Variants in POLG observed in about 807,000 individuals in gnomAD.
POLG encodes DNA polymerase gamma, catalytic subunit.
A neutral mutation model predicts 155.4 loss-of-function variants in POLG; 110 were observed. The observed-to-expected ratio is 0.71, with a 90% CI of 0.61 to 0.83. The LOEUF (loss-of-function observed/expected upper bound fraction) is 0.83, where lower values mean the gene tolerates loss of function less well. Ranked by LOEUF, POLG falls within the 40% of genes least tolerant of loss-of-function variation. POLG has a pLI of 0.00. For synonymous variants in POLG, 701 were observed against 631.5 expected, an observed-to-expected ratio of 1.11 and a Z score of -1.65; for missense variants, 1,685 against 1,627.5, an observed-to-expected ratio of 1.04 and a Z score of -0.61.
intron 10 of POLG, among the ~76,000 whole-genome samples, chr15:89,325,115 TGA>T (rs1567189411): frequency 3.4e-5 from 1 of 29,276 alleles, no homozygotes; most frequent in Non-Finnish European, 5.9e-5. Context: ...TGAGAGAGAG[TGA>T]GTGAGTGAGT....
chr15:89,325,978 T>G (rs2055511944), intron 9 of POLG, among the ~76,000 whole-genome samples: 1 of 151,970 alleles, frequency 6.6e-6, no homozygotes. Flanking sequence ...CAAGCTCCAT[T>G]TCATCCAGGG....
chr15:89,328,987 TTG>T lies in POLG; in HGVS notation c.977_978del (p.Thr326LysfsTer61). The T allele has an allele frequency of 6.2e-7, 1 of 1,613,750 alleles. No individual in the cohort carries two copies. The highest frequency in any genetic ancestry group is 8.5e-7 in the Non-Finnish European group (1 of 1,180,026). On this transcript the variant is annotated frameshift_variant, in exon 4 of 23. Transcript: ENST00000268124. LOFTEE classifies it high-confidence loss of function. ...TTCCTCTGGGACTTCTGGCCTTGCT[TTG>T]TGGGGGGCTGGACCTTGTGTTTGCC... ...KQGKHKVQPP[T>X]KQGQKSQRKA...
intron 10 of POLG, among the ~76,000 whole-genome samples, chr15:89,324,874 A>G (rs1464010563): frequency 6.6e-6 from 1 of 152,202 alleles, no homozygotes; most frequent in African/African-American, 2.4e-5. Context: ...TCTCCCTGCT[A>G]CTTGTAACAG....
intron 18 of POLG, among the ~76,000 whole-genome samples, chr15:89,319,704 G>A (rs985338712): frequency 1.3e-5 from 2 of 152,246 alleles, no homozygotes; most frequent in African/African-American, 2.4e-5. Context: ...TTATTCAGGA[G>A]GCAGCAAGGG....
intron 2 of POLG, chr15:89,332,112 T>C (rs2055601776): frequency 6.6e-6 from 1 of 152,268 alleles, no homozygotes; most frequent in East Asian, 1.9e-4. Context: ...TCCCCTTTAC[T>C]TTGACCATCA....
At chr15:89,320,619 T>C (rs1372830083) in intron 18 of POLG, 147 bp downstream of exon 18, 1 of 909,014 alleles carries the variant, frequency 1.1e-6, no homozygotes, top group Non-Finnish European at 1.7e-6. Context: ...CAAATCATCC[T>C]GGAACCAGGT....
intron 10 of POLG, among the ~76,000 whole-genome samples, 159 bp downstream of exon 10, chr15:89,325,291 A>G (rs367586483): frequency 3.8e-5 from 4 of 105,888 alleles, no homozygotes; most frequent in East Asian, 2.7e-4. Context: ...AGAAAGAGAG[A>G]GAGAGAGGGT....
chr15:89,333,836 C>G lies in POLG; in HGVS notation c.-82G>C. 1 of 1,490,358 alleles carries G rather than the reference C, an allele frequency of 6.7e-7. No homozygotes were observed. Among genetic ancestry groups the G allele is most frequent in the East Asian group, 2.5e-5 (1 of 40,504 alleles). The allele number at this position is 1,490,358 out of a possible 1,614,324, so 92.3% of individuals were successfully genotyped here. A position where few individuals can be genotyped will look rare whatever the true frequency, so the allele number is the denominator to read the frequency against. On this transcript the variant is annotated 5_prime_UTR_variant, in exon 2 of 23. Transcript: ENST00000268124. ...TTGGCTTCTTTTACTGGCTGGAAGA[C>G]GTGGAGAGAGACACGTCCTGTCTCT...
Position 89,316,832 on chromosome 15 carries a change from A to G in POLG, c.3644-5T>C. On this transcript the variant is annotated splice_polypyrimidine_tract_variant and splice_region_variant and intron_variant, in intron 22 of 22. Coordinates refer to ENST00000268124, the MANE Select transcript of POLG (RefSeq NM_002693.3). ...GGTAAATATCCAGCGCTTCACCTGA[A>G]AGATAGTGCAAATTGGTTAGGATGC... is the stretch of plus-strand genomic sequence containing the variant. 2.5e-6 allele frequency: 4 copies of G among 1,610,736 alleles called. No homozygotes were observed. Among genetic ancestry groups the G allele is most frequent in the Non-Finnish European group, 3.4e-6 (4 of 1,176,898 alleles).
intron 2 of POLG, among the ~76,000 whole-genome samples, chr15:89,331,992 T>C (rs2055600234): frequency 6.6e-6 from 1 of 152,202 alleles, no homozygotes; most frequent in Non-Finnish European, 1.5e-5. Context: ...TTGAGGTAAT[T>C]TGGCCTAAAA....
Position 89,325,299 on chromosome 15 carries a change from G to GGGTGTGTAT in POLG, c.1949+150_1949+151insATACACACC. 5.7e-6 allele frequency: 3 copies of GGGTGTGTAT among 527,320 alleles called. No homozygotes were observed. In the East Asian group the frequency reaches 8.5e-5, roughly 15 times the overall value. The allele number at this position is 527,320 out of a possible 1,614,324, so 32.7% of individuals were successfully genotyped here. A position where few individuals can be genotyped will look rare whatever the true frequency, so the allele number is the denominator to read the frequency against. On this transcript the variant is annotated intron_variant, in intron 10 of 22. Coordinates refer to ENST00000268124, the MANE Select transcript of POLG (RefSeq NM_002693.3). ...GAGAGAGAGAAAGAGAGAGAGAGAG[G>GGGTGTGTAT]GTGTGTGTGTGTGTGTTAATTTTTT...
chr15:89,325,193 AGAGAGTGAGTGAGAGAGTGAGT>A (rs2055485138), intron 10 of POLG, among the ~76,000 whole-genome samples: 1 of 84,864 alleles, frequency 1.2e-5, no homozygotes, highest in African/African-American at 6.1e-5. Context: ...TGAGTGAGTG[AGAGAGTGAGTGAGAGAGTGAGT>A]GAGTGAGAGA....
chr15:89,333,011 C>T (rs1269079433), intron 2 of POLG, 85 bp downstream of exon 2: 10 of 1,484,910 alleles, frequency 6.7e-6, no homozygotes, highest in Non-Finnish European at 7.2e-6. Flanking sequence ...CAGCCCGTAA[C>T]AGGACCTCAG....
chr15:89,323,013 C>T, intron 13 of POLG, 111 bp from the exon 14 acceptor site: 1 of 1,104,494 alleles, frequency 9.1e-7, no homozygotes, highest in South Asian at 1.4e-5. Flanking sequence ...CCTCAGCAGT[C>T]TGAGGCAAAT....
At position 89,318,974 on chromosome 15, in the gene POLG, C is replaced by CA. The variant is rs1468794540; in HGVS notation, c.3229dup (p.Cys1077LeufsTer31). 1 of 1,614,170 alleles carries CA rather than the reference C, an allele frequency of 6.2e-7. No individual in the cohort carries two copies. On this transcript the variant is annotated frameshift_variant, in exon 20 of 23. Transcript: ENST00000268124. LOFTEE classifies it high-confidence loss of function. Reference sequence around the variant, plus strand: ...GGGCTCCAGGGCTCGGCTGATGCAGCAGCCCAGCACCGGGGTACGTGGTAT... The same window carrying CA: ...GGGCTCCAGGGCTCGGCTGATGCAGCAAGCCCAGCACCGGGGTACGTGGTAT...
At position 89,316,722 on chromosome 15, in the gene POLG, G is replaced by T; in HGVS notation, c.*29C>A. 1.3e-6 allele frequency: 2 copies of T among 1,575,034 alleles called. No individual in the cohort carries two copies. Among genetic ancestry groups the T allele is most frequent in the Non-Finnish European group, 1.7e-6 (2 of 1,144,356 alleles). On this transcript the variant is annotated 3_prime_UTR_variant, in exon 23 of 23. Transcript: ENST00000268124. ...CTGCACCACCCCGATGAAGCTCCAC[G>T]GGAGCAAATACAGAGCCTCCAGGCA... is the stretch of plus-strand genomic sequence containing the variant.
At chr15:89,322,154 G>GC in intron 14 of POLG, 139 bp from the exon 15 acceptor site, 1 of 842,292 alleles carries the variant, frequency 1.2e-6, no homozygotes, top group Non-Finnish European at 2.0e-6. Flanking sequence ...CTCAAGGTGA[G>GC]CCCTGGCTCA....
Position 89,316,637 on chromosome 15 carries a change from T to C in POLG, c.*114A>G, listed in dbSNP as rs1366656111. On this transcript the variant is annotated 3_prime_UTR_variant, in exon 23 of 23. Coordinates refer to ENST00000268124, the MANE Select transcript of POLG (RefSeq NM_002693.3). ...CTTGGCAGGTCCTGCTACTGAAAAA[T>C]GGCTGGCCTTAGGCAAGCCCTTTTG... 7 of 1,150,220 alleles carry C rather than the reference T, an allele frequency of 6.1e-6. No individual in the cohort carries two copies. The highest frequency in any genetic ancestry group is 7.8e-6 in the Non-Finnish European group (6 of 765,266). 71.3% of individuals were successfully genotyped at this position (1,150,220 alleles called of 1,614,324 possible).
Position 89,333,874 on chromosome 15 carries a change from G to A in POLG, c.-120C>T. The A allele has an allele frequency of 2.4e-6, 3 of 1,241,060 alleles. No individual in the cohort carries two copies. Among genetic ancestry groups the A allele is most frequent in the Non-Finnish European group, 3.4e-6 (3 of 884,024 alleles). 76.9% of individuals were successfully genotyped at this position (1,241,060 alleles called of 1,614,324 possible). A position where few individuals can be genotyped will look rare whatever the true frequency, so the allele number is the denominator to read the frequency against. ...ACGTCCTGTCTCTGCTCTCCTGTCAGTGAAATGGGTTTGACCATGCCTGCC... is the reference window on the plus strand; with the variant it reads ...ACGTCCTGTCTCTGCTCTCCTGTCAATGAAATGGGTTTGACCATGCCTGCC... On this transcript the variant is annotated 5_prime_UTR_variant, in exon 2 of 23. Transcript: ENST00000268124.
Sources: allele counts gnomAD v4.1 joint callset (sites outside exome capture counted in the v4.1 genomes callset), GRCh38; gene constraint gnomAD v4.1.1; transcripts MANE v1.5; gene names NCBI Gene and HGNC (gene_info 2026-07-23, HGNC 2026-07-21).